Variants in CDH8 observed in about 807,000 individuals in gnomAD.
CDH8 encodes the protein cadherin-8.
In CDH8, 17 loss-of-function variants were observed where a neutral mutation model predicts 68.1. That is an observed-to-expected ratio of 0.25 (90% CI 0.17 to 0.37). The LOEUF is 0.37. Among genes scored for constraint, CDH8 ranks in the 10% least tolerant of loss-of-function variants. CDH8 has a pLI of 1.00. For missense variants in CDH8, 763 were observed against 999.3 expected (o/e 0.76, Z 3.19); for synonymous variants, 372 against 365.1 (o/e 1.02, Z -0.21).
chr16:62,002,061 T>A (rs769400905), intron 2 of CDH8, among the ~76,000 whole-genome samples: 1 of 152,198 alleles, frequency 6.6e-6, no homozygotes, highest in Non-Finnish European at 1.5e-5. Flanking sequence ...TTGTGTGTCT[T>A]CATGACCTCA....
chr16:61,959,627 C>G (rs1451825466), intron 2 of CDH8, among the ~76,000 whole-genome samples: 1 of 149,748 alleles, frequency 6.7e-6, no homozygotes, highest in Non-Finnish European at 1.5e-5. Context: ...TACATATATA[C>G]ACACACATAC....
intron 1 of CDH8, among the ~76,000 whole-genome samples, chr16:62,029,657 C>T (rs535449631): frequency 1.3e-5 from 2 of 152,116 alleles, no homozygotes; most frequent in Non-Finnish European, 2.9e-5. Flanking sequence ...AAACTGTAGC[C>T]GCTCATTAAA....
At chr16:61,907,293 T>C (rs1964077559) in intron 2 of CDH8, among the ~76,000 whole-genome samples, 1 of 152,106 alleles carries the variant, frequency 6.6e-6, no homozygotes, top group African/African-American at 2.4e-5. Flanking sequence ...ACACAGGAAA[T>C]TGCTTCCACA....
chr16:61,765,164 T>C (rs1960556939), intron 8 of CDH8, among the ~76,000 whole-genome samples: 1 of 152,030 alleles, frequency 6.6e-6, no homozygotes. Flanking sequence ...AATAATATAA[T>C]TTTAAAAGAG....
chr16:61,982,071 C>T (rs903975332), intron 2 of CDH8, among the ~76,000 whole-genome samples: 6 of 151,986 alleles, frequency 3.9e-5, no homozygotes, highest in Non-Finnish European at 7.4e-5. Flanking sequence ...ATAGTCAGTG[C>T]GTCATATGTG....
chr16:61,967,890 C>A (rs1472265792), intron 2 of CDH8, among the ~76,000 whole-genome samples: 4 of 152,128 alleles, frequency 2.6e-5, no homozygotes, highest in African/African-American at 9.7e-5. Context: ...CTCATAGCAA[C>A]CTCCGCCTCC....
chr16:61,705,913 G>A (rs1964520850), intron 10 of CDH8, among the ~76,000 whole-genome samples: 1 of 152,114 alleles, frequency 6.6e-6, no homozygotes, highest in Non-Finnish European at 1.5e-5. Flanking sequence ...GAGTCCTGAG[G>A]AAAACAAAAA....
intron 2 of CDH8, among the ~76,000 whole-genome samples, chr16:61,902,164 C>A (rs1273579484): frequency 6.6e-6 from 1 of 152,072 alleles, no homozygotes; most frequent in East Asian, 1.9e-4. Context: ...ACACTGAGGC[C>A]AGAATTTAGG....
intron 10 of CDH8, among the ~76,000 whole-genome samples, chr16:61,689,386 C>T (rs1362155869): frequency 6.6e-6 from 1 of 151,912 alleles, no homozygotes. Flanking sequence ...GTACCTGGCC[C>T]ATAAGAGGCA....
chr16:61,826,121 T>C (rs1203950923), intron 4 of CDH8, among the ~76,000 whole-genome samples: 1 of 149,118 alleles, frequency 6.7e-6, no homozygotes, highest in African/African-American at 2.4e-5. Flanking sequence ...GAAATGTGAG[T>C]ATAAACATTT....
intron 8 of CDH8, among the ~76,000 whole-genome samples, chr16:61,751,198 A>T (rs1567453421): frequency 6.6e-6 from 1 of 151,962 alleles, no homozygotes. Context: ...CACAAAATTC[A>T]TGTGTGCCTA....
At chr16:61,724,326 G>A (rs1959280061) in intron 9 of CDH8, among the ~76,000 whole-genome samples, 1 of 150,642 alleles carries the variant, frequency 6.6e-6, no homozygotes, top group African/African-American at 2.4e-5. Context: ...TTTTCTTCTT[G>A]TTTTTCATTC....
chr16:62,026,061 A>T (rs1465285330), intron 1 of CDH8, among the ~76,000 whole-genome samples: 1 of 152,206 alleles, frequency 6.6e-6, no homozygotes, highest in Non-Finnish European at 1.5e-5. Flanking sequence ...AGACTGGTTA[A>T]TATTTAATAA....
chr16:62,022,434 T>C (rs555755472), intron 1 of CDH8, among the ~76,000 whole-genome samples: 1 of 152,232 alleles, frequency 6.6e-6, no homozygotes, highest in South Asian at 2.1e-4. Flanking sequence ...ACAAATGTAA[T>C]GTTCAACTGA....
At chr16:61,837,767 T>C (rs186710613) in intron 4 of CDH8, among the ~76,000 whole-genome samples, 82 of 152,158 alleles carry the variant, frequency 5.4e-4, no homozygotes, top group African/African-American at 1.9e-3. Context: ...CTTACGCACA[T>C]AGACCACATT....
intron 8 of CDH8, among the ~76,000 whole-genome samples, chr16:61,761,101 G>A (rs565478457): frequency 6.6e-6 from 1 of 152,204 alleles, no homozygotes; most frequent in East Asian, 1.9e-4. Context: ...ATATAAATAT[G>A]TGTGTATAAT....
At chr16:61,798,882 G>T (rs1032865994) in intron 7 of CDH8, among the ~76,000 whole-genome samples, 1 of 152,162 alleles carries the variant, frequency 6.6e-6, no homozygotes. Flanking sequence ...AATTATTCAA[G>T]TACAACAAAT....
intron 4 of CDH8, among the ~76,000 whole-genome samples, chr16:61,853,891 GT>G (rs772962960): frequency 3.3e-5 from 5 of 151,746 alleles, no homozygotes; most frequent in Admixed American, 1.3e-4. Flanking sequence ...GCATATTATA[GT>G]TTTTAATATC....
At chr16:61,723,367 G>A (rs564497896) in intron 9 of CDH8, among the ~76,000 whole-genome samples, 2 of 150,756 alleles carry the variant, frequency 1.3e-5, no homozygotes, top group African/African-American at 2.4e-5. Flanking sequence ...CGTCCAGCCA[G>A]ATTACCATTC....
Sources: gnomAD v4.1 joint callset for allele counts (sites outside exome capture counted in the v4.1 genomes callset) on GRCh38, gnomAD v4.1.1 for gene constraint, MANE v1.5 for transcripts, NCBI Gene and HGNC (gene_info 2026-07-23, HGNC 2026-07-21) for gene names.